Variants in NEK10 observed in about 807,000 individuals in gnomAD.
The protein encoded by NEK10 is serine/threonine-protein kinase Nek10.
NEK10 carries 122 observed loss-of-function variants against 159.8 expected under a neutral mutation model. That is an observed-to-expected ratio of 0.76 (90% CI 0.66 to 0.89). NEK10 has a LOEUF of 0.89. Ranked by LOEUF, NEK10 falls within the 40% of genes least tolerant of loss-of-function variation. The pLI is 0.00. For synonymous variants in NEK10, 466 were observed against 457.1 expected (o/e 1.02, Z -0.25); for missense variants, 1,342 against 1,323.1 (o/e 1.01, Z -0.22).
intron 23 of NEK10, among the ~76,000 whole-genome samples, chr3:27,225,542 A>G (rs1200861996): frequency 6.6e-6 from 1 of 152,224 alleles, no homozygotes; most frequent in Non-Finnish European, 1.5e-5. Flanking sequence ...AAGTTCATTT[A>G]CACAGGAAAA....
At chr3:27,213,961 G>A (rs1279909710) in intron 23 of NEK10, among the ~76,000 whole-genome samples, 1 of 152,144 alleles carries the variant, frequency 6.6e-6, no homozygotes, top group African/African-American at 2.4e-5. Flanking sequence ...TTTAAAGGTA[G>A]GAATAGAAAG....
At chr3:27,292,767 C>CAAAAAA (rs35773318) in intron 16 of NEK10, among the ~76,000 whole-genome samples, 13 of 88,410 alleles carry the variant, frequency 1.5e-4, no homozygotes, top group African/African-American at 4.1e-4. Flanking sequence ...GAGCCTTTGT[C>CAAAAAA]AAAAAAAAAA....
chr3:27,295,480 C>T, intron 15 of NEK10, 133 bp downstream of exon 15: 1 of 1,037,846 alleles, frequency 9.6e-7, no homozygotes, highest in Non-Finnish European at 1.3e-6. Flanking sequence ...TCTTCCTTGC[C>T]AGATATTTTT....
At chr3:27,292,167 A>G (rs568635276) in intron 16 of NEK10, among the ~76,000 whole-genome samples, 3 of 152,188 alleles carry the variant, frequency 2.0e-5, no homozygotes, top group Non-Finnish European at 4.4e-5. Flanking sequence ...GTACACTTAA[A>G]ATTTTAAGAA....
chr3:27,252,773 G>A (rs1295217166), intron 23 of NEK10: 1 of 411,636 alleles, frequency 2.4e-6, no homozygotes. Context: ...CAAAGGCCCT[G>A]TGGTCAGAGG....
At position 27,297,236 on chromosome 3, in the gene NEK10, G is replaced by A; in HGVS notation, c.1173C>T (p.Cys391=). ...GCACCAGCTCAGTGAGGGCAGCACA[G>A]CAGGCTGGAATGACAACAATCAAAT... ...QENTFSLQAA[C]CAALTELVLN... The change falls in exon 14 of 36, where the codon TGC becomes TGT. Residue 391 remains cysteine, a synonymous_variant. Transcript: ENST00000691995. 1 of 1,611,128 alleles carries A rather than the reference G, an allele frequency of 6.2e-7. No individual in the cohort carries two copies. Among genetic ancestry groups the A allele is most frequent in the Non-Finnish European group, 8.5e-7 (1 of 1,177,306 alleles).
chr3:27,331,554 C>A (rs1387730673), intron 5 of NEK10, among the ~76,000 whole-genome samples: 3 of 152,170 alleles, frequency 2.0e-5, no homozygotes, highest in Admixed American at 6.5e-5. Flanking sequence ...ACTTCTGGTC[C>A]TCTCATCTAA....
Position 27,297,240 on chromosome 3 carries a change from G to T in NEK10, c.1169C>A (p.Ala390Asp). 6.2e-7 allele frequency: 1 copy of T among 1,609,762 alleles called. No homozygotes were observed. The part of the protein sequence containing the change: ...IQENTFSLQA[A>D]CCAALTELVL... The stretch of plus-strand genomic sequence containing the variant: ...CAGCTCAGTGAGGGCAGCACAGCAG[G>T]CTGGAATGACAACAATCAAATGCAT... Residue 390 changes from alanine to aspartate, a missense_variant and splice_region_variant, in exon 14 of 36, where the codon GCC becomes GAC. By Grantham distance (126) the Ala-to-Asp change is moderately radical. Transcript: ENST00000691995.
intron 23 of NEK10, among the ~76,000 whole-genome samples, chr3:27,234,039 G>C (rs1953622423): frequency 6.6e-6 from 1 of 152,020 alleles, no homozygotes; most frequent in Non-Finnish European, 1.5e-5. Flanking sequence ...ATTCTCAATA[G>C]ATTCAGAAAA....
intron 7 of NEK10, among the ~76,000 whole-genome samples, chr3:27,312,916 T>C (rs2044819480): frequency 1.3e-5 from 2 of 152,170 alleles, no homozygotes; most frequent in Admixed American, 1.3e-4. Context: ...TGCCACCAAC[T>C]TAATCTTCCA....
intron 22 of NEK10, among the ~76,000 whole-genome samples, chr3:27,262,645 T>G (rs1282500892): frequency 2.0e-5 from 3 of 152,252 alleles, no homozygotes; most frequent in African/African-American, 7.2e-5. Flanking sequence ...GCTTGTGCAT[T>G]CATCATGTAG....
At chr3:27,332,111 C>T (rs2046461620) in intron 5 of NEK10, among the ~76,000 whole-genome samples, 1 of 152,052 alleles carries the variant, frequency 6.6e-6, no homozygotes. Context: ...TTAAGTAAAG[C>T]CACTTCAAAA....
chr3:27,345,627 T>C (rs1388593433), intron 4 of NEK10, among the ~76,000 whole-genome samples: 3 of 152,176 alleles, frequency 2.0e-5, no homozygotes, highest in African/African-American at 2.4e-5. Context: ...GCAACAGAGA[T>C]GAACATTACC....
chr3:27,159,389 A>G (rs1299184790), intron 30 of NEK10, among the ~76,000 whole-genome samples: 2 of 152,184 alleles, frequency 1.3e-5, no homozygotes, highest in Non-Finnish European at 2.9e-5. Context: ...ACTTTCCTCT[A>G]AAAATGAATT....
intron 23 of NEK10, among the ~76,000 whole-genome samples, chr3:27,241,863 A>G (rs952520790): frequency 7.9e-5 from 12 of 152,170 alleles, no homozygotes; most frequent in African/African-American, 2.4e-4. Context: ...TGGAATCTTG[A>G]GCCTGGACAT....
chr3:27,241,252 A>G (rs1954532751), intron 23 of NEK10, among the ~76,000 whole-genome samples: 1 of 152,200 alleles, frequency 6.6e-6, no homozygotes, highest in Non-Finnish European at 1.5e-5. Context: ...AGGCCACCCT[A>G]CAACCATATC....
intron 5 of NEK10, among the ~76,000 whole-genome samples, chr3:27,336,183 C>G (rs1214133794): frequency 6.6e-6 from 1 of 151,946 alleles, no homozygotes; most frequent in Non-Finnish European, 1.5e-5. Flanking sequence ...ACTGACAACA[C>G]AAAAATACAA....
At chr3:27,179,556 C>G (rs942434378) in intron 26 of NEK10, among the ~76,000 whole-genome samples, 3 of 152,094 alleles carry the variant, frequency 2.0e-5, no homozygotes, top group Non-Finnish European at 2.9e-5. Flanking sequence ...AACTCAAATA[C>G]AGGTTTTCTA....
At position 27,201,612 on chromosome 3, in the gene NEK10, TA is replaced by T. The variant is rs745709733; in HGVS notation, c.2221-33del. On this transcript the variant is annotated intron_variant, in intron 24 of 35. Transcript: ENST00000691995. Reference sequence around the variant, plus strand: ...AACAAACAGACTAGAGTGATGGAAGTAAAGGGGCCACGGATGTCTTTGAATA... The same window carrying T: ...AACAAACAGACTAGAGTGATGGAAGTAAGGGGCCACGGATGTCTTTGAATA... The T allele has an allele frequency of 2.9e-5, 44 of 1,538,860 alleles. 1 individual carries two copies. In the South Asian group the frequency reaches 4.7e-4, roughly 17 times the overall value.
Sources: allele counts gnomAD v4.1 joint callset (sites outside exome capture counted in the v4.1 genomes callset), GRCh38; gene constraint gnomAD v4.1.1; transcripts MANE v1.5; gene names NCBI Gene and HGNC (gene_info 2026-07-23, HGNC 2026-07-21).